The following MS4A3 variants were observed in gnomAD, a reference collection of about 807,000 sequenced individuals.
MS4A3 encodes membrane-spanning 4-domains subfamily A member 3.
MS4A3 carries 18 observed loss-of-function variants against 24.7 expected under a neutral mutation model. The ratio of observed to expected loss-of-function variants is 0.73; its 90% CI spans 0.50 to 1.08. The LOEUF is 1.08. MS4A3 is among the 50% of genes least tolerant of loss of function. The pLI, the probability that MS4A3 is intolerant of heterozygous loss-of-function variation, is 0.00. For missense variants in MS4A3, 282 were observed against 251.7 expected, an observed-to-expected ratio of 1.12 and a Z score of -0.82; for synonymous variants, 84 against 95.3, an observed-to-expected ratio of 0.88 and a Z score of 0.69.
intron 2 of MS4A3, chr11:60,061,562 C>T: frequency 1.8e-6 from 1 of 545,394 alleles, no homozygotes; most frequent in Non-Finnish European, 3.4e-6. Flanking sequence ...ATAGTAAATA[C>T]ATTTTCTCTT....
rs776502278 is a variant in MS4A3, at chr11:60,070,260, G to A, written c.*27G>A. 7.8e-7 allele frequency: 1 copy of A among 1,286,002 alleles called. No homozygotes were observed. The highest frequency in any genetic ancestry group is 1.1e-6 in the Non-Finnish European group (1 of 916,234). The allele number at this position is 1,286,002 out of a possible 1,614,324, so 79.7% of individuals were successfully genotyped here. A position where few individuals can be genotyped will look rare whatever the true frequency, so the allele number is the denominator to read the frequency against. On this transcript the variant is annotated 3_prime_UTR_variant, in exon 7 of 7. Transcript: ENST00000278865. Reference sequence around the variant, plus strand: ...CAAGAATACCTCCTTAATTCTGAGAGCATGAATATTTGACCTTAAATCTCC... The same window carrying A: ...CAAGAATACCTCCTTAATTCTGAGAACATGAATATTTGACCTTAAATCTCC...
At chr11:60,062,251 G>T (rs765711238) in intron 2 of MS4A3, among the ~76,000 whole-genome samples, 1 of 152,134 alleles carries the variant, frequency 6.6e-6, no homozygotes, top group Non-Finnish European at 1.5e-5. Context: ...ACAGAAATGT[G>T]GGGGAGAGGT....
chr11:60,070,279 A>T lies in MS4A3; in HGVS notation c.*46A>T. The T allele has an allele frequency of 1.3e-6, 2 of 1,484,594 alleles. No individual in the cohort carries two copies. The highest frequency in any genetic ancestry group is 1.9e-6 in the Non-Finnish European group (2 of 1,066,084). 92.0% of individuals were successfully genotyped at this position (1,484,594 alleles called of 1,614,324 possible). A position where few individuals can be genotyped will look rare whatever the true frequency, so the allele number is the denominator to read the frequency against. ...CTGAGAGCATGAATATTTGACCTTA[A>T]ATCTCCAGTGACTCAGAGCTTCACC... On this transcript the variant is annotated 3_prime_UTR_variant, in exon 7 of 7. Transcript: ENST00000278865.
intron 4 of MS4A3, among the ~76,000 whole-genome samples, chr11:60,064,859 C>T (rs147930529): frequency 1.0e-3 from 159 of 152,242 alleles, no homozygotes; most frequent in Admixed American, 4.1e-3. Context: ...AAACTGAAGC[C>T]ATTAGAAGGG....
At chr11:60,063,871 G>T (rs570145157) in intron 3 of MS4A3, among the ~76,000 whole-genome samples, 1 of 152,216 alleles carries the variant, frequency 6.6e-6, no homozygotes, top group South Asian at 2.1e-4. Context: ...CAGGGGGAAA[G>T]GTGGGAAGGA....
rs113079530 is a variant in MS4A3, at chr11:60,070,007, T to G, written c.616-197T>G. On this transcript the variant is annotated intron_variant, in intron 6 of 6. Transcript: ENST00000278865. ...CTTTCTAAATTTTAGATATATTAAC[T>G]GTAAAATGAAAATAATATTTTCATT... is the stretch of plus-strand genomic sequence containing the variant. Among the ~76,000 whole-genome samples, 370 of 152,354 alleles carry G rather than the reference T, an allele frequency of 2.4e-3. 2 individuals carry two copies. Among genetic ancestry groups the G allele is most frequent in the African/African-American group, 8.6e-3 (358 of 41,586 alleles).
rs143762733 is a variant in MS4A3, at chr11:60,057,593, A to T, written c.-16+853A>T. 3.7e-4 allele frequency among the ~76,000 whole-genome samples: 56 copies of T among 152,218 alleles called. No homozygotes were observed. The East Asian group carries it at 8.9e-3, about 24-fold the overall frequency. ...CTAATTTTATGTGTTTTTAGTAGAA[A>T]CAGGGTTTCACCATGTTAGCAAGGA... On this transcript the variant is annotated intron_variant, in intron 1 of 6. Transcript: ENST00000278865.
intron 2 of MS4A3, chr11:60,061,548 A>C (rs775588958): frequency 4.9e-5 from 29 of 593,530 alleles, no homozygotes; most frequent in Admixed American, 4.5e-5. Context: ...CTTCCACTTA[A>C]TGAATAGTAA....
intron 6 of MS4A3, 101 bp downstream of exon 6, chr11:60,069,776 T>C: frequency 1.1e-6 from 1 of 883,402 alleles, no homozygotes; most frequent in East Asian, 2.4e-5. Flanking sequence ...TATGTGGTAA[T>C]GATTTGTGGA....
intron 4 of MS4A3, among the ~76,000 whole-genome samples, chr11:60,066,674 T>C (rs1855365861): frequency 6.6e-6 from 1 of 152,202 alleles, no homozygotes; most frequent in African/African-American, 2.4e-5. Flanking sequence ...ATTCTCCTTA[T>C]CCCATTCTGT....
chr11:60,066,362 C>T (rs986065369), intron 4 of MS4A3, among the ~76,000 whole-genome samples: 1 of 152,080 alleles, frequency 6.6e-6, no homozygotes, highest in Non-Finnish European at 1.5e-5. Context: ...CCTTCATTGG[C>T]TTTGTATTTT....
At chr11:60,057,609 T>A (rs1855192837) in intron 1 of MS4A3, among the ~76,000 whole-genome samples, 1 of 152,162 alleles carries the variant, frequency 6.6e-6, no homozygotes. Context: ...TTTCACCATG[T>A]TAGCAAGGAT....
chr11:60,066,256 G>C (rs1855359480), intron 4 of MS4A3, among the ~76,000 whole-genome samples: 1 of 152,064 alleles, frequency 6.6e-6, no homozygotes, highest in Non-Finnish European at 1.5e-5. Flanking sequence ...TCCTAATTGG[G>C]CTTCTAGCTT....
chr11:60,064,551 T>A (rs1423724908), intron 4 of MS4A3, among the ~76,000 whole-genome samples: 1 of 152,138 alleles, frequency 6.6e-6, no homozygotes, highest in African/African-American at 2.4e-5. Context: ...TTAGAAAAAG[T>A]CTTCTTGATT....
intron 5 of MS4A3, 146 bp from the exon 6 acceptor site, chr11:60,069,428 G>A (rs1199772223): frequency 3.4e-5 from 21 of 622,094 alleles, no homozygotes; most frequent in Admixed American, 8.2e-5. Flanking sequence ...CTTCTACAGT[G>A]TTATATGTGT....
intron 4 of MS4A3, among the ~76,000 whole-genome samples, chr11:60,065,214 C>CTTTTTTTT (rs143084907): frequency 7.8e-6 from 1 of 128,138 alleles, no homozygotes; most frequent in Non-Finnish European, 1.6e-5. Context: ...TAATTTTTGT[C>CTTTTTTTT]TTTTTTTTTT....
At chr11:60,060,608 G>T (rs181915240) in intron 1 of MS4A3, among the ~76,000 whole-genome samples, 3 of 152,038 alleles carry the variant, frequency 2.0e-5, no homozygotes, top group Admixed American at 2.0e-4. Flanking sequence ...TATGAGTTTG[G>T]GTAAGTTTCT....
At position 60,070,591 on chromosome 11, in the gene MS4A3, C is replaced by A. The variant is rs989463319; in HGVS notation, c.*358C>A. 8.8e-5 allele frequency: 16 copies of A among 182,356 alleles called. No individual in the cohort carries two copies. Among genetic ancestry groups the A allele is most frequent in the Admixed American group, 8.1e-4 (13 of 16,114 alleles). 11.3% of individuals were successfully genotyped at this position (182,356 alleles called of 1,614,324 possible). Reference sequence around the variant, plus strand: ...GTTTAAGGAAGGAAGGCGGTATAATCCCTATTCAATATATTTTTTCTAAAA... The same window carrying A: ...GTTTAAGGAAGGAAGGCGGTATAATACCTATTCAATATATTTTTTCTAAAA... On this transcript the variant is annotated 3_prime_UTR_variant, in exon 7 of 7. Transcript: ENST00000278865.
intron 4 of MS4A3, among the ~76,000 whole-genome samples, chr11:60,065,704 C>T (rs899309698): frequency 1.3e-5 from 2 of 152,218 alleles, no homozygotes; most frequent in African/African-American, 4.8e-5. Context: ...TCGCCCACTC[C>T]TCCTTCCAGG....
Sources: gnomAD v4.1 joint callset for allele counts (sites outside exome capture counted in the v4.1 genomes callset) on GRCh38, gnomAD v4.1.1 for gene constraint, MANE v1.5 for transcripts, NCBI Gene and HGNC (gene_info 2026-07-23, HGNC 2026-07-21) for gene names.